The following POU6F2 variants were observed in gnomAD, a reference collection of about 807,000 sequenced individuals.
POU6F2 encodes POU class 6 homeobox 2, also known as POU domain, class 6, transcription factor 2.
POU6F2 carries 31 observed loss-of-function variants against 71.3 expected under a neutral mutation model. The observed-to-expected ratio is 0.43, with a 90% CI of 0.33 to 0.59. The LOEUF is 0.59. Ranked by LOEUF, POU6F2 falls within the 20% of genes least tolerant of loss-of-function variation. POU6F2 has a pLI of 0.04. For missense variants in POU6F2, 783 were observed against 856.8 expected, an observed-to-expected ratio of 0.91 and a Z score of 1.07; for synonymous variants, 347 against 355.7, an observed-to-expected ratio of 0.98 and a Z score of 0.27.
At chr7:39,061,423 AAAACCC>A (rs1790654658) in intron 1 of POU6F2, among the ~76,000 whole-genome samples, 1 of 152,202 alleles carries the variant, frequency 6.6e-6, no homozygotes, top group African/African-American at 2.4e-5. Context: ...AGTAGAATTA[AAAACCC>A]ATGTTAATAA....
chr7:39,426,884 A>G (rs184627455), intron 6 of POU6F2, among the ~76,000 whole-genome samples: 40 of 152,314 alleles, frequency 2.6e-4, no homozygotes, highest in African/African-American at 8.9e-4. Context: ...AATCCAGCAC[A>G]TAGTCTAGTC....
chr7:39,214,831 G>T (rs1794209154), intron 4 of POU6F2, among the ~76,000 whole-genome samples: 1 of 152,204 alleles, frequency 6.6e-6, no homozygotes, highest in South Asian at 2.1e-4. Flanking sequence ...GGGAATCCAA[G>T]GTGGCAAGAA....
At chr7:39,297,716 A>C (rs559064911) in intron 4 of POU6F2, among the ~76,000 whole-genome samples, 4 of 149,560 alleles carry the variant, frequency 2.7e-5, no homozygotes, top group Non-Finnish European at 4.4e-5. Flanking sequence ...AACTATCCTC[A>C]ACAAAGCTGC....
At chr7:39,206,894 C>T (rs1794024224) in intron 3 of POU6F2, among the ~76,000 whole-genome samples, 1 of 152,208 alleles carries the variant, frequency 6.6e-6, no homozygotes, top group Admixed American at 6.5e-5. Context: ...TGCTAGTGTA[C>T]ATGTCCCCCA....
At chr7:39,154,052 A>G (rs900543105) in intron 2 of POU6F2, among the ~76,000 whole-genome samples, 1 of 152,230 alleles carries the variant, frequency 6.6e-6, no homozygotes, top group East Asian at 1.9e-4. Context: ...GATGATTTAG[A>G]TTTTGAGAAA....
intron 8 of POU6F2, among the ~76,000 whole-genome samples, chr7:39,459,485 TTTG>T (rs955139481): frequency 2.0e-5 from 3 of 152,088 alleles, no homozygotes; most frequent in Non-Finnish European, 4.4e-5. Flanking sequence ...TTTGTTTTGT[TTTG>T]TTTTGTTTCA....
At chr7:39,310,943 C>T (rs1785151339) in intron 4 of POU6F2, among the ~76,000 whole-genome samples, 3 of 152,132 alleles carry the variant, frequency 2.0e-5, no homozygotes, top group South Asian at 2.1e-4. Context: ...GACCTCAAGC[C>T]GACTTCCTTT....
At chr7:39,060,367 A>C (rs554391757) in intron 1 of POU6F2, among the ~76,000 whole-genome samples, 1 of 152,322 alleles carries the variant, frequency 6.6e-6, no homozygotes, top group African/African-American at 2.4e-5. Context: ...GGTATTTTTA[A>C]GGTGTTGAAA....
chr7:39,386,738 G>A (rs1187724386), intron 5 of POU6F2, among the ~76,000 whole-genome samples: 1 of 152,190 alleles, frequency 6.6e-6, no homozygotes, highest in Non-Finnish European at 1.5e-5. Context: ...GCAAGAAGAA[G>A]TTGGATCAAA....
intron 7 of POU6F2, among the ~76,000 whole-genome samples, chr7:39,446,502 A>T (rs529204817): frequency 1.3e-5 from 2 of 152,352 alleles, no homozygotes; most frequent in Middle Eastern, 3.4e-3. Flanking sequence ...TATTCCAGAA[A>T]CTAAAACATT....
At chr7:39,076,333 G>A (rs1584530245) in intron 1 of POU6F2, among the ~76,000 whole-genome samples, 1 of 151,870 alleles carries the variant, frequency 6.6e-6, no homozygotes, top group South Asian at 2.1e-4. Context: ...ATAGTGCCCA[G>A]TACTGGGAAT....
rs866074619 is a variant in POU6F2 at position 39,324,814 on chromosome 7, A to C, written c.599-14828A>C. On this transcript the variant is annotated intron_variant, in intron 4 of 9. Coordinates refer to ENST00000518318, the MANE Select transcript of POU6F2 (RefSeq NM_001370959.1). ...TTTTTATGAATTTTCTTAGGATTCT[A>C]TTTTTGATGACCCTTTTCTCGCAGC... Among the ~76,000 whole-genome samples the C allele has an allele frequency of 4.6e-5, 7 of 152,272 alleles. 1 individual carries two copies. In the Middle Eastern group the frequency reaches 0.02, roughly 444 times the overall value.
chr7:39,138,903 A>G (rs1283664598), intron 2 of POU6F2, among the ~76,000 whole-genome samples: 2 of 151,314 alleles, frequency 1.3e-5, no homozygotes, highest in African/African-American at 2.4e-5. Flanking sequence ...CCCCTCCTTC[A>G]CCTCCTCTTG....
At chr7:39,100,433 C>A (rs1345657393) in intron 2 of POU6F2, among the ~76,000 whole-genome samples, 2 of 152,170 alleles carry the variant, frequency 1.3e-5, no homozygotes, top group African/African-American at 4.8e-5. Flanking sequence ...TCATCAGGAT[C>A]AGTAAAAGAA....
At chr7:39,072,056 C>T (rs968299246) in intron 1 of POU6F2, among the ~76,000 whole-genome samples, 6 of 152,146 alleles carry the variant, frequency 3.9e-5, no homozygotes, top group African/African-American at 1.4e-4. Flanking sequence ...CAGGAACCAG[C>T]TGCATGGAGA....
At chr7:39,245,563 T>G (rs1008488288) in intron 4 of POU6F2, among the ~76,000 whole-genome samples, 2 of 152,212 alleles carry the variant, frequency 1.3e-5, no homozygotes, top group Non-Finnish European at 2.9e-5. Flanking sequence ...AAGAAGAGGC[T>G]CCTGTCTGCG....
At chr7:39,287,994 G>A (rs1324527490) in intron 4 of POU6F2, among the ~76,000 whole-genome samples, 2 of 152,132 alleles carry the variant, frequency 1.3e-5, no homozygotes, top group East Asian at 3.8e-4. Context: ...GGGAAATTCT[G>A]GAGTCAAAGG....
intron 5 of POU6F2, among the ~76,000 whole-genome samples, chr7:39,347,673 C>CTAATCTCTTTAGGACTCAGTTGTGT (rs1554345315): frequency 5.5e-5 from 8 of 146,468 alleles, no homozygotes; most frequent in Non-Finnish European, 9.2e-5. Context: ...TCACTGTCAC[C>CTAATCTCTTTAGGACTCAGTTGTGT]CAGGCTGGCA....
intron 4 of POU6F2, among the ~76,000 whole-genome samples, chr7:39,309,032 C>T (rs1187141022): frequency 1.3e-5 from 2 of 152,266 alleles, no homozygotes; most frequent in Admixed American, 6.5e-5. Context: ...TGTTACTGCT[C>T]GCAAGCGGCC....
Sources: gnomAD v4.1 joint callset for allele counts (sites outside exome capture counted in the v4.1 genomes callset) on GRCh38, gnomAD v4.1.1 for gene constraint, MANE v1.5 for transcripts, NCBI Gene and HGNC (gene_info 2026-07-23, HGNC 2026-07-21) for gene names.